Variants in AFAP1L2 observed in about 807,000 individuals in gnomAD.
The protein encoded by AFAP1L2 is actin filament-associated protein 1-like 2.
AFAP1L2 carries 46 observed loss-of-function variants against 99.3 expected under a neutral mutation model. The ratio of observed to expected loss-of-function variants is 0.46; its 90% CI spans 0.37 to 0.59. AFAP1L2 has a LOEUF of 0.59. Ranked by LOEUF, AFAP1L2 falls within the 20% of genes least tolerant of loss-of-function variation. The pLI is 0.00. For synonymous variants in AFAP1L2, 397 were observed against 419.1 expected (o/e 0.95, Z 0.64); for missense variants, 959 against 1,034.9 (o/e 0.93, Z 1.01).
At chr10:114,337,510 A>G (rs986788626) in intron 2 of AFAP1L2, among the ~76,000 whole-genome samples, 1 of 152,200 alleles carries the variant, frequency 6.6e-6, no homozygotes, top group Non-Finnish European at 1.5e-5. Context: ...GTGGCTGTGC[A>G]TGGGTGGCAC....
intron 13 of AFAP1L2, 121 bp from the exon 14 acceptor site, chr10:114,300,811 T>G: frequency 7.6e-7 from 1 of 1,318,848 alleles, no homozygotes. Flanking sequence ...GAGATCTCCC[T>G]CCCTGCTGGG....
chr10:114,344,186 A>G (rs545312004), intron 1 of AFAP1L2, among the ~76,000 whole-genome samples: 12 of 152,312 alleles, frequency 7.9e-5, no homozygotes, highest in African/African-American at 2.9e-4. Context: ...TCTCCCAACT[A>G]AAAGGCCTTA....
At chr10:114,327,173 A>ATATATATATATTT (rs1491191152) in intron 4 of AFAP1L2, among the ~76,000 whole-genome samples, 1 of 18,700 alleles carries the variant, frequency 5.3e-5, no homozygotes, top group African/African-American at 1.1e-4. Context: ...ATATATATAT[A>ATATATATATATTT]TTTTTTTTTT....
At chr10:114,386,569 A>C (rs1189218642) in intron 1 of AFAP1L2, among the ~76,000 whole-genome samples, 1 of 152,100 alleles carries the variant, frequency 6.6e-6, no homozygotes, top group African/African-American at 2.4e-5. Context: ...CCCCCGGCAG[A>C]GATGGTGCTA....
At chr10:114,303,878 T>C (rs2041666356) in intron 11 of AFAP1L2, among the ~76,000 whole-genome samples, 1 of 152,186 alleles carries the variant, frequency 6.6e-6, no homozygotes, top group African/African-American at 2.4e-5. Context: ...AGTACAAGTC[T>C]ATAGCACCCT....
intron 1 of AFAP1L2, among the ~76,000 whole-genome samples, chr10:114,389,276 CA>C: frequency 6.6e-6 from 1 of 152,054 alleles, no homozygotes; most frequent in Non-Finnish European, 1.5e-5. Context: ...AAAAAGAAAG[CA>C]ACTATTATTT....
intron 1 of AFAP1L2, among the ~76,000 whole-genome samples, chr10:114,346,911 G>A (rs1449225058): frequency 6.6e-6 from 1 of 152,172 alleles, no homozygotes; most frequent in African/African-American, 2.4e-5. Flanking sequence ...CTCATCTTGA[G>A]GCTGTCTTGC....
At chr10:114,392,354 A>G (rs562230675) in intron 1 of AFAP1L2, among the ~76,000 whole-genome samples, 14 of 152,336 alleles carry the variant, frequency 9.2e-5, no homozygotes, top group Admixed American at 4.6e-4. Context: ...GTGCCACTGA[A>G]CTCCAGCCTG....
At chr10:114,387,858 A>G (rs1487642710) in intron 1 of AFAP1L2, among the ~76,000 whole-genome samples, 1 of 152,162 alleles carries the variant, frequency 6.6e-6, no homozygotes. Context: ...TCAGGGATCA[A>G]AAAGCTCCTT....
intron 1 of AFAP1L2, among the ~76,000 whole-genome samples, chr10:114,356,202 C>A (rs1478069647): frequency 2.0e-5 from 3 of 152,130 alleles, no homozygotes; most frequent in Non-Finnish European, 4.4e-5. Flanking sequence ...ATTCCCCCAG[C>A]AGAGTCTGGG....
At chr10:114,404,322 G>T in intron 1 of AFAP1L2, 118 bp downstream of exon 1, 1 of 1,186,696 alleles carries the variant, frequency 8.4e-7, no homozygotes, top group Non-Finnish European at 1.2e-6. Flanking sequence ...TCCGGGCTGG[G>T]TGGGGGCAGT....
intron 1 of AFAP1L2, among the ~76,000 whole-genome samples, chr10:114,359,322 C>CTAT (rs1464939578): frequency 6.6e-6 from 1 of 152,210 alleles, no homozygotes; most frequent in African/African-American, 2.4e-5. Context: ...ATTCAAAAGG[C>CTAT]TATATGACTT....
rs1046366229 is a variant in AFAP1L2 at position 114,300,637 on chromosome 10, TTCTC to T, written c.1592_1595del (p.Arg531AsnfsTer56). ...TGAGGTCCAGGTACACTCGGTCAGA[TTCTC>T]TCTCATTTGGGTCATCTGCAACAGG... is the stretch of plus-strand genomic sequence containing the variant. On this transcript the variant is annotated frameshift_variant, in exon 14 of 19. Coordinates refer to ENST00000304129, the MANE Select transcript of AFAP1L2 (RefSeq NM_001001936.3). LOFTEE classifies it high-confidence loss of function. 6.2e-7 allele frequency: 1 copy of T among 1,612,630 alleles called. No homozygotes were observed. The highest frequency in any genetic ancestry group is 8.5e-7 in the Non-Finnish European group (1 of 1,179,202).
intron 1 of AFAP1L2, among the ~76,000 whole-genome samples, chr10:114,382,596 T>TTC (rs796266127): frequency 6.9e-6 from 1 of 145,736 alleles, no homozygotes; most frequent in Non-Finnish European, 1.5e-5. Context: ...CTCTTTTTTT[T>TTC]TTTTTTTTTT....
At chr10:114,359,215 C>G (rs2051852037) in intron 1 of AFAP1L2, among the ~76,000 whole-genome samples, 1 of 152,182 alleles carries the variant, frequency 6.6e-6, no homozygotes, top group African/African-American at 2.4e-5. Context: ...GCAAATCCAG[C>G]ATGGTGATGA....
intron 1 of AFAP1L2, among the ~76,000 whole-genome samples, chr10:114,352,388 C>T (rs773101742): frequency 1.3e-4 from 19 of 147,076 alleles, no homozygotes; most frequent in South Asian, 2.2e-4. Context: ...GCAGGAGAAT[C>T]GCTTGAGCCA....
At chr10:114,307,340 C>T (rs1258668833) in intron 10 of AFAP1L2, among the ~76,000 whole-genome samples, 1 of 152,018 alleles carries the variant, frequency 6.6e-6, no homozygotes, top group Non-Finnish European at 1.5e-5. Context: ...TATCTCTGAC[C>T]ACAGGGCAAG....
chr10:114,330,754 T>C (rs903163166), intron 4 of AFAP1L2, among the ~76,000 whole-genome samples: 6 of 152,230 alleles, frequency 3.9e-5, no homozygotes, highest in Non-Finnish European at 7.3e-5. Context: ...TATTTAGGTA[T>C]GGCCTACATC....
chr10:114,281,706 C>T, the AFAP1L2 span: 7 of 983,662 alleles, frequency 7.1e-6, no homozygotes, highest in Non-Finnish European at 8.5e-6. Flanking sequence ...GGTGGAGGGG[C>T]GGGGCTGGGG....
Sources: gnomAD v4.1 joint callset for allele counts (sites outside exome capture counted in the v4.1 genomes callset) on GRCh38, gnomAD v4.1.1 for gene constraint, MANE v1.5 for transcripts, NCBI Gene and HGNC (gene_info 2026-07-23, HGNC 2026-07-21) for gene names.